The following GUCY2C variants were observed in gnomAD, a reference collection of about 807,000 sequenced individuals.
GUCY2C encodes the protein guanylate cyclase 2C.
In GUCY2C, 118 loss-of-function variants were observed where a neutral mutation model predicts 131.1. The observed-to-expected ratio is 0.90, with a 90% CI of 0.78 to 1.05. The LOEUF (loss-of-function observed/expected upper bound fraction) is 1.05, where lower values mean the gene tolerates loss of function less well. Among genes scored for constraint, GUCY2C ranks in the 50% least tolerant of loss-of-function variants. The pLI, the probability that GUCY2C is intolerant of heterozygous loss-of-function variation, is 0.00. For synonymous variants in GUCY2C, 452 were observed against 457.8 expected (o/e 0.99, Z 0.16); for missense variants, 1,161 against 1,304.4 (o/e 0.89, Z 1.69).
At chr12:14,620,995 C>T in intron 23 of GUCY2C, 47 bp downstream of exon 23, 5 of 1,446,684 alleles carry the variant, frequency 3.5e-6, no homozygotes, top group Non-Finnish European at 3.9e-6. Context: ...AGTTGGTGCA[C>T]AGCAGTACAT....
intron 21 of GUCY2C, among the ~76,000 whole-genome samples, chr12:14,623,575 G>A (rs974374566): frequency 1.3e-5 from 2 of 152,190 alleles, no homozygotes; most frequent in Non-Finnish European, 2.9e-5. Context: ...GCAATTCATT[G>A]TACTGCTTAT....
chr12:14,692,348 G>A (rs184942378), intron 1 of GUCY2C, among the ~76,000 whole-genome samples: 24 of 151,908 alleles, frequency 1.6e-4, no homozygotes, highest in Admixed American at 1.4e-3. Context: ...CTTCTCACTC[G>A]CTTTGTTTTT....
In GUCY2C at chr12:14,652,049, T is replaced by C. The variant is rs1947670642; in HGVS notation, c.1534-19A>G. ...TCACTCGCTGCAAAAATCAATGAAA[T>C]TTAGGAGACAGTGTTGTGGTGTAAC... On this transcript the variant is annotated intron_variant, in intron 13 of 26. Transcript: ENST00000261170. 6.8e-7 allele frequency: 1 copy of C among 1,473,650 alleles called. No homozygotes were observed. The highest frequency in any genetic ancestry group is 1.7e-5 in the Admixed American group (1 of 59,444). The allele number at this position is 1,473,650 out of a possible 1,614,324, so 91.3% of individuals were successfully genotyped here. A position where few individuals can be genotyped will look rare whatever the true frequency, so the allele number is the denominator to read the frequency against.
intron 11 of GUCY2C, among the ~76,000 whole-genome samples, chr12:14,658,271 CTTTG>C (rs1947799390): frequency 6.6e-6 from 1 of 152,094 alleles, no homozygotes; most frequent in African/African-American, 2.4e-5. Context: ...CTTCCTTTAA[CTTTG>C]TTTTACAGAA....
chr12:14,614,972 G>A (rs111793441), intron 25 of GUCY2C, 29 bp from the exon 26 acceptor site: 12 of 1,196,598 alleles, frequency 1.0e-5, no homozygotes, highest in African/African-American at 6.2e-5. Flanking sequence ...TACGTACCAC[G>A]GAGTCCAAGG....
At chr12:14,636,642 C>G (rs1015553346) in intron 19 of GUCY2C, among the ~76,000 whole-genome samples, 4 of 152,072 alleles carry the variant, frequency 2.6e-5, no homozygotes, top group Non-Finnish European at 4.4e-5. Context: ...CTAGCCAGAG[C>G]AATTAGGCAA....
intron 12 of GUCY2C, among the ~76,000 whole-genome samples, chr12:14,656,199 T>C (rs1947759619): frequency 6.6e-6 from 1 of 152,208 alleles, no homozygotes; most frequent in South Asian, 2.1e-4. Flanking sequence ...TTAGGGGAAC[T>C]CAAATGCTCT....
At chr12:14,617,804 C>T (rs1946801154) in intron 24 of GUCY2C, among the ~76,000 whole-genome samples, 1 of 152,198 alleles carries the variant, frequency 6.6e-6, no homozygotes, top group Non-Finnish European at 1.5e-5. Context: ...ACCCTCTTGG[C>T]ACGGTTGGTA....
Position 14,696,438 on chromosome 12 carries a change from A to G in GUCY2C, c.11T>C (p.Leu4Ser), listed in dbSNP as rs534813812. Residue 4 changes from leucine to serine, a missense_variant, in exon 1 of 27, where the codon TTG (leucine) becomes TCG (serine). Transcript: ENST00000261170. ...TGACCACAAAGCCAAGTCCAACAGC[A>G]ACGTCTTCATGACCCCAATCACGTT... MKT[L>S]LLDLALWSLL... 4.2e-5 allele frequency: 67 copies of G among 1,613,500 alleles called. No individual in the cohort carries two copies. In the South Asian group the frequency reaches 4.7e-4, roughly 11 times the overall value.
At chr12:14,634,002 T>C (rs997438124) in intron 19 of GUCY2C, among the ~76,000 whole-genome samples, 2 of 152,250 alleles carry the variant, frequency 1.3e-5, no homozygotes, top group African/African-American at 4.8e-5. Flanking sequence ...AACAAAATAA[T>C]AGCAAGAGAT....
chr12:14,677,076 AT>A (rs199705031), intron 6 of GUCY2C, 105 bp from the exon 7 acceptor site: 31 of 400,006 alleles, frequency 7.7e-5, no homozygotes, highest in Admixed American at 1.1e-4. Flanking sequence ...AGTTTAAAAC[AT>A]TTTTTTTCAT....
intron 6 of GUCY2C, among the ~76,000 whole-genome samples, chr12:14,678,259 G>T (rs1948280970): frequency 6.6e-6 from 1 of 152,108 alleles, no homozygotes; most frequent in African/African-American, 2.4e-5. Context: ...ATCTTAAAAT[G>T]CTAAAAAAAT....
chr12:14,630,866 G>T (rs1016978867), intron 19 of GUCY2C, among the ~76,000 whole-genome samples: 1 of 152,148 alleles, frequency 6.6e-6, no homozygotes, highest in Non-Finnish European at 1.5e-5. Context: ...TAAAGATGAT[G>T]CTGTTTTAGT....
chr12:14,668,166 C>T (rs1023114322), intron 10 of GUCY2C, among the ~76,000 whole-genome samples: 1 of 149,698 alleles, frequency 6.7e-6, no homozygotes, highest in African/African-American at 2.5e-5. Context: ...TCTATGTCCA[C>T]TAATTTATAT....
At chr12:14,676,451 G>A (rs1406849462) in intron 7 of GUCY2C, among the ~76,000 whole-genome samples, 1 of 152,196 alleles carries the variant, frequency 6.6e-6, no homozygotes, top group Non-Finnish European at 1.5e-5. Context: ...TCAGTGACAG[G>A]AAAATTTTGC....
chr12:14,615,189 T>C (rs1317777153), intron 25 of GUCY2C, among the ~76,000 whole-genome samples: 1 of 152,150 alleles, frequency 6.6e-6, no homozygotes, highest in Non-Finnish European at 1.5e-5. Context: ...AAGTAGAGTT[T>C]TCTTTTTTTT....
At chr12:14,667,999 C>CTTTTTTT (rs11355096) in intron 10 of GUCY2C, among the ~76,000 whole-genome samples, 2 of 76,510 alleles carry the variant, frequency 2.6e-5, no homozygotes, top group Non-Finnish European at 5.1e-5. Context: ...TAATAATTTT[C>CTTTTTTT]TTTTTTTTTT....
chr12:14,675,134 C>G (rs1327953499), intron 7 of GUCY2C, among the ~76,000 whole-genome samples: 1 of 148,248 alleles, frequency 6.7e-6, no homozygotes, highest in Non-Finnish European at 1.5e-5. Context: ...TCACTTGAAC[C>G]CAGGAGGTGG....
At position 14,619,300 on chromosome 12, in the gene GUCY2C, G is replaced by T; in HGVS notation, c.2786C>A (p.Ala929Asp). The T allele has an allele frequency of 6.2e-7, 1 of 1,607,140 alleles. No homozygotes were observed. The highest frequency in any genetic ancestry group is 8.5e-7 in the Non-Finnish European group (1 of 1,173,708). Residue 929 changes from alanine (A) to aspartate (D), a missense_variant, in exon 24 of 27, where the codon GCT becomes GAT. Transcript: ENST00000261170. ...IRIGVHSGPC[A>D]AGVVGIKMPR... ...CATCTTGATTCCCACAACTCCAGCA[G>T]CACAGGGACCTGAAATGAAGGACAG...
Sources: allele counts gnomAD v4.1 joint callset (sites outside exome capture counted in the v4.1 genomes callset), GRCh38; gene constraint gnomAD v4.1.1; transcripts MANE v1.5; gene names NCBI Gene and HGNC (gene_info 2026-07-23, HGNC 2026-07-21).